COL25A1: variants seen among roughly 807,000 people sequenced by gnomAD.
COL25A1 encodes collagen type XXV alpha 1 chain.
COL25A1 carries 103 observed loss-of-function variants against 128.4 expected under a neutral mutation model. That is an observed-to-expected ratio of 0.80 (90% CI 0.68 to 0.94). COL25A1 has a LOEUF of 0.94. Among genes scored for constraint, COL25A1 ranks in the 40% least tolerant of loss-of-function variants. COL25A1 has a pLI of 0.00. For synonymous variants in COL25A1, 279 were observed against 277.2 expected, an observed-to-expected ratio of 1.01 and a Z score of -0.06; for missense variants, 745 against 840.0, an observed-to-expected ratio of 0.89 and a Z score of 1.40.
chr4:108,844,178 C>A (rs189008341), intron 30 of COL25A1, among the ~76,000 whole-genome samples: 327 of 152,280 alleles, frequency 2.1e-3, no homozygotes, highest in Non-Finnish European at 4.1e-3. Context: ...TTGTGTCCAG[C>A]CAATTCTAAA....
At chr4:109,244,702 C>T (rs1035543587) in intron 3 of COL25A1, among the ~76,000 whole-genome samples, 1 of 151,916 alleles carries the variant, frequency 6.6e-6, no homozygotes, top group African/African-American at 2.4e-5. Context: ...CACTGCAGTC[C>T]CCAAAAGAGC....
intron 6 of COL25A1, among the ~76,000 whole-genome samples, chr4:109,003,841 A>C (rs938432263): frequency 6.6e-6 from 1 of 152,076 alleles, no homozygotes; most frequent in African/African-American, 2.4e-5. Flanking sequence ...ATAAATGCTC[A>C]TCTGCCTTTT....
chr4:109,000,784 A>G (rs1320536379), intron 6 of COL25A1, among the ~76,000 whole-genome samples: 1 of 145,802 alleles, frequency 6.9e-6, no homozygotes, highest in Non-Finnish European at 1.5e-5. Flanking sequence ...AACTATACAC[A>G]TAACACTTTG....
At chr4:109,299,109 G>C (rs937830125) in intron 3 of COL25A1, among the ~76,000 whole-genome samples, 1 of 152,098 alleles carries the variant, frequency 6.6e-6, no homozygotes, top group Non-Finnish European at 1.5e-5. Context: ...AGTTTATTAA[G>C]AATTCTATTA....
chr4:109,170,238 G>A (rs74733977), intron 3 of COL25A1, among the ~76,000 whole-genome samples: 2,834 of 152,204 alleles, frequency 0.019, 83 homozygotes, highest in South Asian at 0.14. Flanking sequence ...TAATAGGGAA[G>A]ATGAAAATTA....
intron 5 of COL25A1, among the ~76,000 whole-genome samples, chr4:109,037,152 G>A (rs1759433382): frequency 6.6e-6 from 1 of 152,188 alleles, no homozygotes; most frequent in East Asian, 1.9e-4. Context: ...CCAAAAGGAA[G>A]CTTGTGATAT....
At chr4:108,920,637 A>C in intron 11 of COL25A1, 33 bp from the exon 12 acceptor site, 1 of 1,566,968 alleles carries the variant, frequency 6.4e-7, no homozygotes, top group South Asian at 1.2e-5. Context: ...TTAACATACT[A>C]TTGTAGCCAT....
chr4:109,147,922 GA>G (rs1771111209), intron 3 of COL25A1, among the ~76,000 whole-genome samples: 1 of 152,088 alleles, frequency 6.6e-6, no homozygotes, highest in Non-Finnish European at 1.5e-5. Flanking sequence ...CAGGTTGAGA[GA>G]ATAAATTGTT....
intron 5 of COL25A1, among the ~76,000 whole-genome samples, chr4:109,035,997 G>A (rs1430543233): frequency 6.6e-6 from 1 of 151,654 alleles, no homozygotes; most frequent in Admixed American, 6.6e-5. Flanking sequence ...GCGTGATCTC[G>A]GCTCACTGCA....
At chr4:109,075,661 G>A (rs553478720) in intron 3 of COL25A1, among the ~76,000 whole-genome samples, 294 of 152,012 alleles carry the variant, frequency 1.9e-3, no homozygotes, top group African/African-American at 6.7e-3. Context: ...AAGGAAAAAA[G>A]TTAACACAAT....
chr4:109,268,892 T>C (rs536010855), intron 3 of COL25A1, among the ~76,000 whole-genome samples: 1 of 152,146 alleles, frequency 6.6e-6, no homozygotes, highest in Non-Finnish European at 1.5e-5. Context: ...TACCTCACTG[T>C]TACCATCCTT....
At position 108,825,181 on chromosome 4, in the gene COL25A1, G is replaced by T; in HGVS notation, c.1791+15C>A. ...CTATTATAATAGGATGATGTTTATT[G>T]TACTTATTACTTACATCAAGACCAG... On this transcript the variant is annotated intron_variant, in intron 34 of 37. Transcript: ENST00000399132. 6.3e-7 allele frequency: 1 copy of T among 1,595,264 alleles called. No homozygotes were observed. The highest frequency in any genetic ancestry group is 1.3e-5 in the African/African-American group (1 of 74,632).
rs868654775 is a variant in COL25A1 at position 109,239,432 on chromosome 4, T to A, written c.367+61151A>T. On this transcript the variant is annotated intron_variant, in intron 3 of 37. Coordinates refer to ENST00000399132, the MANE Select transcript of COL25A1 (RefSeq NM_198721.4). ...TATATATATATATATATTTATTTAT[T>A]TATTTATTTATATTGTATTGCTTGT... 2.3e-3 allele frequency among the ~76,000 whole-genome samples: 333 copies of A among 143,884 alleles called. 2 individuals are homozygous for A. Among genetic ancestry groups the A allele is most frequent in the African/African-American group, 7.9e-3 (309 of 38,868 alleles). 94.4% of individuals were successfully genotyped at this position (143,884 alleles called of 152,430 possible). A position where few individuals can be genotyped will look rare whatever the true frequency, so the allele number is the denominator to read the frequency against.
chr4:109,114,537 G>C (rs1483120400), intron 3 of COL25A1, among the ~76,000 whole-genome samples: 2 of 152,050 alleles, frequency 1.3e-5, no homozygotes, highest in Non-Finnish European at 2.9e-5. Flanking sequence ...GGTGGAATGT[G>C]CCATGTAGGA....
At chr4:109,174,463 A>G (rs527841817) in intron 3 of COL25A1, among the ~76,000 whole-genome samples, 1 of 152,254 alleles carries the variant, frequency 6.6e-6, no homozygotes, top group African/African-American at 2.4e-5. Flanking sequence ...AAGCAAGCCA[A>G]TCACATCCTC....
At chr4:108,987,750 C>A (rs566033774) in intron 6 of COL25A1, among the ~76,000 whole-genome samples, 78 of 152,254 alleles carry the variant, frequency 5.1e-4, no homozygotes, top group African/African-American at 1.9e-3. Context: ...CAAAAAAAAA[C>A]CATAGACTTT....
chr4:109,259,335 A>G (rs1244851232), intron 3 of COL25A1, among the ~76,000 whole-genome samples: 1 of 152,230 alleles, frequency 6.6e-6, no homozygotes, highest in African/African-American at 2.4e-5. Context: ...ACTTTAAAAG[A>G]ATCAATTTTC....
chr4:108,912,662 CTG>C (rs1260461908), intron 13 of COL25A1, among the ~76,000 whole-genome samples: 1 of 151,992 alleles, frequency 6.6e-6, no homozygotes, highest in Non-Finnish European at 1.5e-5. Flanking sequence ...AACAAAAAAA[CTG>C]TGTTTAGTGT....
At chr4:108,957,341 G>A (rs1750187262) in intron 8 of COL25A1, among the ~76,000 whole-genome samples, 1 of 152,072 alleles carries the variant, frequency 6.6e-6, no homozygotes, top group Non-Finnish European at 1.5e-5. Context: ...AGAGCACAGA[G>A]CAGAACCACC....
Sources: gnomAD v4.1 joint callset for allele counts (sites outside exome capture counted in the v4.1 genomes callset) on GRCh38, gnomAD v4.1.1 for gene constraint, MANE v1.5 for transcripts, NCBI Gene and HGNC (gene_info 2026-07-23, HGNC 2026-07-21) for gene names.